The following HAUS6 variants were observed in gnomAD, a reference collection of about 807,000 sequenced individuals.
HAUS6 encodes HAUS augmin like complex subunit 6.
HAUS6 carries 80 observed loss-of-function variants against 106.8 expected under a neutral mutation model. The ratio of observed to expected loss-of-function variants is 0.75; its 90% CI spans 0.63 to 0.90. HAUS6 has a LOEUF of 0.90. HAUS6 is among the 40% of genes least tolerant of loss of function. HAUS6 has a pLI of 0.00. For missense variants in HAUS6, 1,155 were observed against 1,118.1 expected (o/e 1.03, Z -0.47); for synonymous variants, 356 against 379.1 (o/e 0.94, Z 0.71).
intron 16 of HAUS6, 84 bp downstream of exon 16, chr9:19,057,877 G>A: frequency 2.7e-6 from 2 of 732,596 alleles, no homozygotes; most frequent in Non-Finnish European, 4.6e-6. Flanking sequence ...TAAAGGTCAT[G>A]CAGCATTCTT....
chr9:19,096,636 G>T, intron 2 of HAUS6, 38 bp downstream of exon 2: 4 of 833,504 alleles, frequency 4.8e-6, no homozygotes, highest in Non-Finnish European at 7.7e-6. Flanking sequence ...TTTCAAATTT[G>T]GAAAGAAATT....
At position 19,055,500 on chromosome 9, in the gene HAUS6, G is replaced by GAGT. The variant is rs1836450083; in HGVS notation, c.*840_*842dup. On this transcript the variant is annotated 3_prime_UTR_variant, in exon 17 of 17. Transcript: ENST00000380502. ...TTCCTTGTTCCTTTCCCCCAACAGG[G>GAGT]AGTACCTCACAAAAAAACCCAACAA... is the stretch of plus-strand genomic sequence containing the variant. The GAGT allele has an allele frequency of 6.6e-6, 1 of 152,084 alleles. No homozygotes were observed. Among genetic ancestry groups the GAGT allele is most frequent in the Non-Finnish European group, 1.5e-5 (1 of 68,014 alleles). The allele number at this position is 152,084 out of a possible 1,614,324, so 9.4% of individuals were successfully genotyped here. A position where few individuals can be genotyped will look rare whatever the true frequency, so the allele number is the denominator to read the frequency against.
In HAUS6 at chr9:19,065,713, C is replaced by T. The variant is rs12235545; in HGVS notation, c.1377-2133G>A. ...AAAATTAGCCAGGTGTGGTCATGGGCGCCTGTAATCCCAGCTACTCGGGAG... is the reference window on the plus strand; with the variant it reads ...AAAATTAGCCAGGTGTGGTCATGGGTGCCTGTAATCCCAGCTACTCGGGAG... On this transcript the variant is annotated intron_variant, in intron 12 of 16. Transcript: ENST00000380502. 1.6e-3 allele frequency among the ~76,000 whole-genome samples: 242 copies of T among 151,828 alleles called. 8 individuals are homozygous for T. In the East Asian group the frequency reaches 0.041, roughly 26 times the overall value.
chr9:19,096,748 G>T lies in HAUS6; in HGVS notation c.150C>A (p.Asn50Lys). 4 of 1,547,926 alleles carry T rather than the reference G, an allele frequency of 2.6e-6. No homozygotes were observed. Among genetic ancestry groups the T allele is most frequent in the Non-Finnish European group, 3.5e-6 (4 of 1,139,322 alleles). Reference protein sequence around the residue: ...HLGVNMFDKLNRDAFHIISYF... With the variant: ...HLGVNMFDKLKRDAFHIISYF... ...AAGAAATTATATGAAAGGCATCACG[G>T]TTCAGCTTGTCAAACATGTTCCTAG... The change falls in exon 2 of 17, where the codon AAC becomes AAA. Residue 50 changes from asparagine (N) to lysine (K), a missense_variant. Coordinates refer to ENST00000380502, the MANE Select transcript of HAUS6 (RefSeq NM_017645.5).
intron 5 of HAUS6, among the ~76,000 whole-genome samples, chr9:19,088,401 G>C (rs928145132): frequency 6.8e-6 from 1 of 146,508 alleles, no homozygotes; most frequent in African/African-American, 2.5e-5. Flanking sequence ...GGGCAACAGA[G>C]TGAGACTCCG....
At chr9:19,081,217 C>A (rs566317782) in intron 8 of HAUS6, among the ~76,000 whole-genome samples, 10 of 151,940 alleles carry the variant, frequency 6.6e-5, no homozygotes, top group South Asian at 6.2e-4. Context: ...TTATATTACA[C>A]AAAAGGTTGA....
intron 1 of HAUS6, among the ~76,000 whole-genome samples, chr9:19,098,396 C>A (rs1817907677): frequency 6.7e-6 from 1 of 150,046 alleles, no homozygotes; most frequent in South Asian, 2.1e-4. Context: ...CAAGATCGCG[C>A]CACCGCACTC....
chr9:19,065,412 T>C (rs995859817), intron 12 of HAUS6, among the ~76,000 whole-genome samples: 1 of 152,034 alleles, frequency 6.6e-6, no homozygotes, highest in African/African-American at 2.4e-5. Context: ...TAGTAAAAAA[T>C]AAAATTGAGA....
intron 11 of HAUS6, among the ~76,000 whole-genome samples, chr9:19,076,196 CA>C (rs34924379): frequency 0.36 from 48,806 of 135,142 alleles, 7,987 homozygotes; most frequent in African/African-American, 0.41. Flanking sequence ...CCCATTTCTA[CA>C]AAAAAAAAAA....
rs1385849187 is a variant in HAUS6 at position 19,078,314 on chromosome 9, T to TA, written c.1065-13dup. On this transcript the variant is annotated splice_polypyrimidine_tract_variant and intron_variant, in intron 9 of 16. Coordinates refer to ENST00000380502, the MANE Select transcript of HAUS6 (RefSeq NM_017645.5). ...CTTTTATTCTATACCTATAATAGCATAAAAAAACTTTATTCAAAAGATGAT... is the reference window on the plus strand; with the variant it reads ...CTTTTATTCTATACCTATAATAGCATAAAAAAAACTTTATTCAAAAGATGAT... 7.3e-6 allele frequency: 10 copies of TA among 1,365,912 alleles called. No individual in the cohort carries two copies. The highest frequency in any genetic ancestry group is 1.3e-5 in the South Asian group (1 of 79,506). 84.6% of individuals were successfully genotyped at this position (1,365,912 alleles called of 1,614,324 possible). A position where few individuals can be genotyped will look rare whatever the true frequency, so the allele number is the denominator to read the frequency against.
chr9:19,064,589 T>C (rs773049050), intron 12 of HAUS6, among the ~76,000 whole-genome samples: 5 of 152,146 alleles, frequency 3.3e-5, no homozygotes, highest in African/African-American at 4.8e-5. Context: ...CTCTAGTTAC[T>C]ATAAGACAGG....
chr9:19,072,629 C>G lies in HAUS6; in HGVS notation c.1295-2329G>C, dbSNP rs141535922. 3.3e-3 allele frequency among the ~76,000 whole-genome samples: 508 copies of G among 152,144 alleles called. 6 individuals carry two copies. Among genetic ancestry groups the G allele is most frequent in the African/African-American group, 0.012 (485 of 41,538 alleles). On this transcript the variant is annotated intron_variant, in intron 11 of 16. Coordinates refer to ENST00000380502, the MANE Select transcript of HAUS6 (RefSeq NM_017645.5). ...GTCTGAAAGACAAATAAATGTCAAT[C>G]TAGAATTCTATATCCAACTAAACTA...
rs1679414182 is a variant in HAUS6, at chr9:19,054,791, A to T, written c.*1552T>A. The T allele has an allele frequency of 6.6e-6, 1 of 152,246 alleles. No individual in the cohort carries two copies. The highest frequency in any genetic ancestry group is 1.5e-5 in the Non-Finnish European group (1 of 68,052). 9.4% of individuals were successfully genotyped at this position (152,246 alleles called of 1,614,324 possible). On this transcript the variant is annotated 3_prime_UTR_variant, in exon 17 of 17. Transcript: ENST00000380502. ...AGCTTAAGAATTACCAAGGAAGCAC[A>T]TTTAAAATATAATTAAATGAAATAA... is the stretch of plus-strand genomic sequence containing the variant.
intron 1 of HAUS6, among the ~76,000 whole-genome samples, chr9:19,100,198 A>C (rs529364156): frequency 1.3e-5 from 2 of 152,156 alleles, no homozygotes; most frequent in African/African-American, 2.4e-5. Flanking sequence ...CATCTCAAAA[A>C]AAAAAGAATT....
intron 7 of HAUS6, among the ~76,000 whole-genome samples, chr9:19,085,378 A>G (rs1837265195): frequency 6.6e-6 from 1 of 152,184 alleles, no homozygotes; most frequent in South Asian, 2.1e-4. Flanking sequence ...ATTAAATGGA[A>G]AATTCCATGA....
At chr9:19,066,270 T>C (rs1480817540) in intron 12 of HAUS6, among the ~76,000 whole-genome samples, 3 of 151,840 alleles carry the variant, frequency 2.0e-5, no homozygotes. Context: ...ATACAAAGCC[T>C]AGATAAGAAC....
chr9:19,090,173 T>C (rs1817713803), intron 4 of HAUS6, among the ~76,000 whole-genome samples: 1 of 151,998 alleles, frequency 6.6e-6, no homozygotes, highest in Non-Finnish European at 1.5e-5. Context: ...GACCTTTTTT[T>C]AAGGCAGGCA....
rs9407938 is a variant in HAUS6, at chr9:19,092,298, A to C, written c.436+873T>G. Among the ~76,000 whole-genome samples the C allele has an allele frequency of 2.7e-3, 402 of 151,510 alleles. 1 individual carries two copies. Among genetic ancestry groups the C allele is most frequent in the African/African-American group, 9.3e-3 (383 of 41,350 alleles). ...ATGGTGTAACCCTGGTATTAAAAAA[A>C]AAAAACAACAACAAAAGGCCTGGTG... is the stretch of plus-strand genomic sequence containing the variant. On this transcript the variant is annotated intron_variant, in intron 4 of 16. Coordinates refer to ENST00000380502, the MANE Select transcript of HAUS6 (RefSeq NM_017645.5).
intron 7 of HAUS6, among the ~76,000 whole-genome samples, chr9:19,085,323 G>C (rs941159587): frequency 6.6e-6 from 1 of 152,012 alleles, no homozygotes; most frequent in Non-Finnish European, 1.5e-5. Flanking sequence ...AACTTTAATA[G>C]GTTCTGCAAA....
Sources: allele counts gnomAD v4.1 joint callset (sites outside exome capture counted in the v4.1 genomes callset), GRCh38; gene constraint gnomAD v4.1.1; transcripts MANE v1.5; gene names NCBI Gene and HGNC (gene_info 2026-07-23, HGNC 2026-07-21).